ZNF254: variants seen among roughly 807,000 people sequenced by gnomAD.
ZNF254 encodes CTD-2017D11.1.
A neutral mutation model predicts 12.4 loss-of-function variants in ZNF254; 10 were observed. The observed-to-expected ratio is 0.80, with a 90% CI of 0.50 to 1.36. ZNF254 has a LOEUF of 1.36. ZNF254 is among the 40% of genes most tolerant of loss of function. The pLI, the probability that ZNF254 is intolerant of heterozygous loss-of-function variation, is 0.00. For synonymous variants in ZNF254, 305 were observed against 253.4 expected (o/e 1.20, Z -1.93); for missense variants, 996 against 763.9 (o/e 1.30, Z -3.58).
At chr19:24,041,258 T>C (rs899049151) in intron 1 of ZNF254, among the ~76,000 whole-genome samples, 8 of 152,230 alleles carry the variant, frequency 5.3e-5, no homozygotes, top group African/African-American at 1.9e-4. Context: ...TGGGAGCCCC[T>C]TTCTGGGCTG....
intron 2 of ZNF254, among the ~76,000 whole-genome samples, chr19:24,059,405 A>G (rs1335360370): frequency 6.6e-6 from 1 of 152,116 alleles, no homozygotes; most frequent in Non-Finnish European, 1.5e-5. Flanking sequence ...TACAGGTGTG[A>G]TTGTGACACA....
chr19:24,046,373 T>TTTATATATATATATATATA (rs1555750840), intron 2 of ZNF254: 3 of 95,508 alleles, frequency 3.1e-5, no homozygotes, highest in African/African-American at 1.3e-4. Context: ...TTATTATTTT[T>TTTATATATATATATATATA]TATATATATA....
chr19:24,115,989 A>G (rs1974041224), intron 3 of ZNF254, among the ~76,000 whole-genome samples: 1 of 152,160 alleles, frequency 6.6e-6, no homozygotes, highest in African/African-American at 2.4e-5. Flanking sequence ...TTCTGTGTTG[A>G]AAATTCTTTT....
At chr19:24,073,105 A>G (rs185037652) in intron 2 of ZNF254, among the ~76,000 whole-genome samples, 4 of 152,326 alleles carry the variant, frequency 2.6e-5, no homozygotes, top group Admixed American at 2.6e-4. Context: ...AAGTCTTTGG[A>G]TGGTACAGAG....
intron 2 of ZNF254, among the ~76,000 whole-genome samples, chr19:24,057,153 C>G (rs1393985504): frequency 6.6e-6 from 1 of 152,158 alleles, no homozygotes; most frequent in African/African-American, 2.4e-5. Flanking sequence ...TACAGAGTGT[C>G]ATAACGGCTC....
chr19:24,103,684 T>C (rs1387336934), intron 1 of ZNF254: 1 of 152,174 alleles, frequency 6.6e-6, no homozygotes. Context: ...TTGAGTTTGG[T>C]AAGGATAGGA....
intron 2 of ZNF254, among the ~76,000 whole-genome samples, chr19:24,053,135 A>G (rs762195377): frequency 2.0e-5 from 3 of 152,312 alleles, no homozygotes; most frequent in East Asian, 3.9e-4. Context: ...TTAGAAAATT[A>G]AATCTCATGT....
At chr19:24,063,294 G>T (rs550134711) in intron 2 of ZNF254, among the ~76,000 whole-genome samples, 2 of 152,184 alleles carry the variant, frequency 1.3e-5, no homozygotes, top group Non-Finnish European at 2.9e-5. Context: ...TCTTAGCCCA[G>T]CATCTGAGTT....
chr19:24,044,274 C>G (rs62113675), intron 1 of ZNF254, among the ~76,000 whole-genome samples: 23,121 of 150,926 alleles, frequency 0.15, 1,987 homozygotes, highest in Middle Eastern at 0.23. Context: ...CGCGGTGGCT[C>G]ACGCCTATAA....
At chr19:24,058,908 G>A (rs557226689) in intron 2 of ZNF254, among the ~76,000 whole-genome samples, 2 of 152,310 alleles carry the variant, frequency 1.3e-5, no homozygotes, top group Admixed American at 6.5e-5. Context: ...ACACATCTCT[G>A]TGCTCACCAC....
At chr19:24,042,378 A>G (rs1314672594) in intron 1 of ZNF254, among the ~76,000 whole-genome samples, 3 of 152,194 alleles carry the variant, frequency 2.0e-5, no homozygotes, top group African/African-American at 7.2e-5. Flanking sequence ...TGCCCGAGCC[A>G]GCATTGGCAA....
At chr19:24,051,082 T>C (rs1320432892) in intron 2 of ZNF254, among the ~76,000 whole-genome samples, 2 of 152,188 alleles carry the variant, frequency 1.3e-5, no homozygotes, top group Admixed American at 6.5e-5. Context: ...TCAAATGTTA[T>C]GTGACTCCAC....
At chr19:24,078,538 C>T (rs187034081) in intron 2 of ZNF254, 1 of 152,252 alleles carries the variant, frequency 6.6e-6, no homozygotes, top group East Asian at 1.9e-4. Flanking sequence ...TAAATCTGTC[C>T]TCCTCTTGGC....
At position 24,113,593 on chromosome 19, in the gene ZNF254, A is replaced by G. The variant is rs1973844125; in HGVS notation, c.253+6950A>G. ...AGCCAATATCATACTGAATGGGCAAAAACTGGAAGCATTCCCTTTGAAAAC... is the reference window on the plus strand; with the variant it reads ...AGCCAATATCATACTGAATGGGCAAGAACTGGAAGCATTCCCTTTGAAAAC... On this transcript the variant is annotated intron_variant, in intron 3 of 3. Transcript: ENST00000357002. 3.9e-5 allele frequency among the ~76,000 whole-genome samples: 6 copies of G among 152,312 alleles called. No homozygotes were observed. In the South Asian group the frequency reaches 1.2e-3, roughly 32 times the overall value.
intron 2 of ZNF254, among the ~76,000 whole-genome samples, chr19:24,053,794 G>A (rs111246000): frequency 6.6e-6 from 1 of 152,160 alleles, no homozygotes; most frequent in African/African-American, 2.4e-5. Flanking sequence ...CCTAGATGAT[G>A]TAACTCTTTT....
upstream of ZNF254, among the ~76,000 whole-genome samples, chr19:24,083,014 G>C (rs904093220): frequency 2.0e-5 from 3 of 152,166 alleles, no homozygotes; most frequent in African/African-American, 7.2e-5. Context: ...AGTTGGTAAA[G>C]AGGTAGTCAA....
At chr19:24,071,747 G>A (rs1453081532) in intron 2 of ZNF254, among the ~76,000 whole-genome samples, 2 of 152,080 alleles carry the variant, frequency 1.3e-5, no homozygotes, top group African/African-American at 4.8e-5. Context: ...GGATTGTGAT[G>A]TATTGCTGGG....
chr19:24,079,257 C>G (rs1971766006), intron 2 of ZNF254: 1 of 152,076 alleles, frequency 6.6e-6, no homozygotes, highest in African/African-American at 2.4e-5. Flanking sequence ...GTTCAGCGGG[C>G]ATTTTTGGGT....
chr19:24,114,950 A>T (rs1568465869), intron 3 of ZNF254, among the ~76,000 whole-genome samples: 1 of 152,292 alleles, frequency 6.6e-6, no homozygotes, highest in African/African-American at 2.4e-5. Context: ...GCCATCAGAG[A>T]AATGCAAATC....
Sources: allele counts gnomAD v4.1 joint callset (sites outside exome capture counted in the v4.1 genomes callset), GRCh38; gene constraint gnomAD v4.1.1; transcripts MANE v1.5; gene names NCBI Gene and HGNC (gene_info 2026-07-23, HGNC 2026-07-21).